Variants in NCAM2 observed in about 807,000 individuals in gnomAD.
NCAM2 encodes the protein N-CAM-2.
Under a neutral mutation model 98.1 loss-of-function variants are expected in NCAM2, and 30 were observed. That is an observed-to-expected ratio of 0.31 (90% CI 0.23 to 0.41). The LOEUF is 0.41. Among genes scored for constraint, NCAM2 ranks in the 10% least tolerant of loss-of-function variants. NCAM2 has a pLI of 1.00. For missense variants in NCAM2, 867 were observed against 1,005.8 expected (o/e 0.86, Z 1.87); for synonymous variants, 368 against 342.4 (o/e 1.07, Z -0.83).
chr21:21,501,575 ACAGT>A (rs1352955806), intron 15 of NCAM2, among the ~76,000 whole-genome samples: 3 of 150,298 alleles, frequency 2.0e-5, no homozygotes, highest in South Asian at 2.1e-4. Flanking sequence ...ATTTTATTAG[ACAGT>A]CAATCAATGT....
intron 1 of NCAM2, among the ~76,000 whole-genome samples, chr21:21,066,258 TAC>T (rs538428546): frequency 3.4e-4 from 52 of 152,310 alleles, no homozygotes; most frequent in Non-Finnish European, 6.6e-4. Context: ...CGTCTTTGAA[TAC>T]AGTTTTTTGT....
At chr21:21,434,608 C>A (rs28696378) in intron 12 of NCAM2, among the ~76,000 whole-genome samples, 6,584 of 152,060 alleles carry the variant, frequency 0.043, 255 homozygotes, top group East Asian at 0.13. Context: ...CTTTTTGATT[C>A]TCCCTTTCAG....
chr21:21,488,212 CAA>C (rs148109985), intron 15 of NCAM2, among the ~76,000 whole-genome samples: 3,062 of 151,994 alleles, frequency 0.02, 44 homozygotes, highest in South Asian at 0.047. Context: ...AACAAAGTTA[CAA>C]GTATGCATCC....
At position 21,225,396 on chromosome 21, in the gene NCAM2, C is replaced by G. The variant is rs149255567; in HGVS notation, c.56-55182C>G. Among the ~76,000 whole-genome samples the G allele has an allele frequency of 5.0e-3, 759 of 151,944 alleles. 9 individuals carry two copies. The highest frequency in any genetic ancestry group is 0.017 in the African/African-American group (723 of 41,416). On this transcript the variant is annotated intron_variant, in intron 1 of 17. Transcript: ENST00000400546. Reference sequence around the variant, plus strand: ...AACCTGCACATCCTGCACATGTACCCCAGATCTAAAAAAAATACAAAAAAT... The same window carrying G: ...AACCTGCACATCCTGCACATGTACCGCAGATCTAAAAAAAATACAAAAAAT...
Position 21,541,788 on chromosome 21 carries a change from A to G in NCAM2, c.*3831A>G, listed in dbSNP as rs1990242517. On this transcript the variant is annotated 3_prime_UTR_variant, in exon 18 of 18. Coordinates refer to ENST00000400546, the MANE Select transcript of NCAM2 (RefSeq NM_004540.5). ...TTCCCAATGTTGTTTTTCACAGAAA[A>G]TAAGGTAAACATTCAACTTAAATCC... 6.6e-6 allele frequency: 1 copy of G among 151,808 alleles called. No individual in the cohort carries two copies. Among genetic ancestry groups the G allele is most frequent in the African/African-American group, 2.4e-5 (1 of 41,424 alleles). The allele number at this position is 151,808 out of a possible 1,614,324, so 9.4% of individuals were successfully genotyped here.
chr21:21,055,889 T>C (rs2065200740), intron 1 of NCAM2, among the ~76,000 whole-genome samples: 1 of 152,074 alleles, frequency 6.6e-6, no homozygotes, highest in Admixed American at 6.6e-5. Context: ...GTTCGGTAAT[T>C]AGTAGCTCTT....
intron 8 of NCAM2, among the ~76,000 whole-genome samples, chr21:21,341,014 A>G (rs1471936291): frequency 6.6e-6 from 1 of 151,924 alleles, no homozygotes; most frequent in African/African-American, 2.4e-5. Flanking sequence ...TTTACTTTTT[A>G]CCTTGCCATA....
At chr21:21,533,873 C>T (rs1036531025) in intron 16 of NCAM2, among the ~76,000 whole-genome samples, 12 of 151,462 alleles carry the variant, frequency 7.9e-5, no homozygotes, top group Non-Finnish European at 1.8e-4. Flanking sequence ...TTGATAAAGA[C>T]GACATTGGAG....
intron 15 of NCAM2, among the ~76,000 whole-genome samples, chr21:21,504,498 T>C (rs1285908977): frequency 1.3e-5 from 2 of 151,924 alleles, no homozygotes; most frequent in Non-Finnish European, 2.9e-5. Context: ...ATTGTGAAAA[T>C]ACATCATTAG....
intron 1 of NCAM2, among the ~76,000 whole-genome samples, chr21:21,039,864 T>G (rs2064869094): frequency 6.6e-6 from 1 of 152,198 alleles, no homozygotes; most frequent in South Asian, 2.1e-4. Flanking sequence ...AAATCAGCAC[T>G]TGTCAGATCA....
chr21:21,074,622 C>T (rs943829721), intron 1 of NCAM2, among the ~76,000 whole-genome samples: 4 of 152,112 alleles, frequency 2.6e-5, no homozygotes, highest in Non-Finnish European at 4.4e-5. Context: ...TTATGGGAGT[C>T]GGGTTTGGCA....
At position 21,017,424 on chromosome 21, in the gene NCAM2, C is replaced by CAAAAAAAAAA. The variant is rs11461275; in HGVS notation, c.55+18821_55+18830dup. Among the ~76,000 whole-genome samples the CAAAAAAAAAA allele has an allele frequency of 8.2e-3, 479 of 58,316 alleles. 2 individuals are homozygous for CAAAAAAAAAA. The highest frequency in any genetic ancestry group is 0.014 in the East Asian group (22 of 1,580). 38.3% of individuals were successfully genotyped at this position (58,316 alleles called of 152,430 possible). A position where few individuals can be genotyped will look rare whatever the true frequency, so the allele number is the denominator to read the frequency against. ...CTGGCAACAGAGTGAGACTCTGTCT[C>CAAAAAAAAAA]AAAAAAAAAAAAAAAAAAAAAAAAG... On this transcript the variant is annotated intron_variant, in intron 1 of 17. Coordinates refer to ENST00000400546, the MANE Select transcript of NCAM2 (RefSeq NM_004540.5).
intron 1 of NCAM2, chr21:21,147,395 T>TCCAAAA: frequency 1.9e-6 from 1 of 531,922 alleles, no homozygotes; most frequent in Non-Finnish European, 2.4e-6. Context: ...ACTCAGTCAC[T>TCCAAAA]TCACTCTGAT....
At chr21:21,159,978 T>C (rs904605189) in intron 1 of NCAM2, among the ~76,000 whole-genome samples, 3 of 152,040 alleles carry the variant, frequency 2.0e-5, no homozygotes, top group Non-Finnish European at 4.4e-5. Flanking sequence ...AAATTTGTTA[T>C]TGCCTGAGAT....
chr21:21,241,737 G>A (rs200506630), intron 1 of NCAM2, among the ~76,000 whole-genome samples: 1 of 190 alleles, frequency 5.3e-3, no homozygotes, highest in African/African-American at 0.022. Flanking sequence ...CATAATCTGA[G>A]TTTGGACAAA....
At chr21:21,141,683 C>T (rs1207961016) in intron 1 of NCAM2, among the ~76,000 whole-genome samples, 2 of 152,144 alleles carry the variant, frequency 1.3e-5, no homozygotes, top group African/African-American at 4.8e-5. Flanking sequence ...ATGGAAGGCT[C>T]TTAAATTTAG....
intron 1 of NCAM2, among the ~76,000 whole-genome samples, chr21:21,270,192 T>C (rs911724087): frequency 1.3e-5 from 2 of 152,170 alleles, no homozygotes. Flanking sequence ...GTGTTGCCTG[T>C]TGAAATAAAC....
chr21:21,044,807 A>AT (rs397737861), intron 1 of NCAM2, among the ~76,000 whole-genome samples: 12 of 151,332 alleles, frequency 7.9e-5, no homozygotes, highest in African/African-American at 2.9e-4. Flanking sequence ...CTCTACAAAA[A>AT]TAAAAAAATT....
At chr21:21,199,324 AC>A (rs2069124117) in intron 1 of NCAM2, among the ~76,000 whole-genome samples, 1 of 152,200 alleles carries the variant, frequency 6.6e-6, no homozygotes, top group Admixed American at 6.5e-5. Context: ...GCCCAAACAT[AC>A]ATATGCAAAC....
Sources: allele counts gnomAD v4.1 joint callset (sites outside exome capture counted in the v4.1 genomes callset), GRCh38; gene constraint gnomAD v4.1.1; transcripts MANE v1.5; gene names NCBI Gene and HGNC (gene_info 2026-07-23, HGNC 2026-07-21).